KATNAL1: variants seen among roughly 807,000 people sequenced by gnomAD.
The protein encoded by KATNAL1 is katanin p60 ATPase-containing subunit A-like 1.
KATNAL1 carries 32 observed loss-of-function variants against 55.2 expected under a neutral mutation model. The observed-to-expected ratio is 0.58, with a 90% CI of 0.44 to 0.78. The LOEUF is 0.78. KATNAL1 is among the 30% of genes least tolerant of loss of function. The pLI is 0.00. For missense variants in KATNAL1, 466 were observed against 600.9 expected (o/e 0.78, Z 2.35); for synonymous variants, 193 against 193.6 (o/e 1.00, Z 0.02).
rs886460964 is a variant in KATNAL1 at position 30,283,548 on chromosome 13, A to G, written c.162+68T>C. On this transcript the variant is annotated intron_variant, in intron 2 of 10. Coordinates refer to ENST00000380615, the MANE Select transcript of KATNAL1 (RefSeq NM_032116.5). ...CTCAAACTCAAAATTAGATTTTCCAACTCTAATCTCTCAAGTATAATAGGG... is the reference window on the plus strand; with the variant it reads ...CTCAAACTCAAAATTAGATTTTCCAGCTCTAATCTCTCAAGTATAATAGGG... The G allele has an allele frequency of 1.7e-5, 24 of 1,422,850 alleles. No homozygotes were observed. In the African/African-American group the frequency reaches 2.4e-4, roughly 14 times the overall value. The allele number at this position is 1,422,850 out of a possible 1,614,324, so 88.1% of individuals were successfully genotyped here.
chr13:30,301,143 G>A (rs1266139698), intron 1 of KATNAL1, among the ~76,000 whole-genome samples: 12 of 152,246 alleles, frequency 7.9e-5, no homozygotes, highest in South Asian at 2.1e-4. Flanking sequence ...CTAGACAGGC[G>A]GATCTCCTGA....
At chr13:30,303,723 T>TGGG (rs1883006658) in intron 1 of KATNAL1, among the ~76,000 whole-genome samples, 1 of 152,242 alleles carries the variant, frequency 6.6e-6, no homozygotes, top group South Asian at 2.1e-4. Flanking sequence ...TCATATTATC[T>TGGG]AGTGGAACTT....
chr13:30,247,178 T>C (rs1877877540), intron 4 of KATNAL1, among the ~76,000 whole-genome samples: 1 of 152,104 alleles, frequency 6.6e-6, no homozygotes, highest in Non-Finnish European at 1.5e-5. Flanking sequence ...CTTTGTACCC[T>C]AGCATACTGC....
At chr13:30,289,089 G>C (rs1245696138) in intron 1 of KATNAL1, among the ~76,000 whole-genome samples, 3 of 152,142 alleles carry the variant, frequency 2.0e-5, no homozygotes, top group Admixed American at 6.5e-5. Context: ...CATGCCATTA[G>C]TGTTTTCTCA....
At chr13:30,261,681 T>C (rs926759844) in intron 3 of KATNAL1, among the ~76,000 whole-genome samples, 2 of 152,242 alleles carry the variant, frequency 1.3e-5, no homozygotes, top group African/African-American at 2.4e-5. Context: ...CCTAAATATA[T>C]ATGCACCCAA....
At chr13:30,302,181 A>G (rs1390953830) in intron 1 of KATNAL1, among the ~76,000 whole-genome samples, 1 of 152,244 alleles carries the variant, frequency 6.6e-6, no homozygotes, top group Non-Finnish European at 1.5e-5. Flanking sequence ...AGACTCAAGT[A>G]GTCTTTGAAC....
intron 3 of KATNAL1, among the ~76,000 whole-genome samples, chr13:30,270,261 C>T (rs1331753555): frequency 2.9e-5 from 4 of 139,402 alleles, no homozygotes; most frequent in South Asian, 2.2e-4. Flanking sequence ...GGGGGTCAGC[C>T]CCCCCGCCCG....
rs774271743 is a variant in KATNAL1 at position 30,280,235 on chromosome 13, AAAAT to A, written c.163-16_163-13del. ...AATTCCTGCCGAACCTTAAAAAAAAAAAATAGGCTTTATGCTAGAAGCTGTTTAA... is the reference window on the plus strand; with the variant it reads ...AATTCCTGCCGAACCTTAAAAAAAAAAGGCTTTATGCTAGAAGCTGTTTAA... On this transcript the variant is annotated splice_polypyrimidine_tract_variant and intron_variant, in intron 2 of 10. Coordinates refer to ENST00000380615, the MANE Select transcript of KATNAL1 (RefSeq NM_032116.5). 3.2e-6 allele frequency: 5 copies of A among 1,572,096 alleles called. No homozygotes were observed. In the African/African-American group the frequency reaches 6.9e-5, roughly 22 times the overall value.
chr13:30,238,644 A>G (rs550850084), intron 6 of KATNAL1, among the ~76,000 whole-genome samples: 1 of 152,264 alleles, frequency 6.6e-6, no homozygotes, highest in Non-Finnish European at 1.5e-5. Context: ...TTCTTTAATC[A>G]TGTCATTTTT....
chr13:30,212,258 A>G (rs896562257), intron 9 of KATNAL1, among the ~76,000 whole-genome samples: 5 of 152,252 alleles, frequency 3.3e-5, no homozygotes, highest in Non-Finnish European at 7.3e-5. Flanking sequence ...GTGAAAACAG[A>G]TAAGTTACAG....
chr13:30,241,195 A>AT, intron 4 of KATNAL1, 109 bp from the exon 5 acceptor site: 1 of 1,021,200 alleles, frequency 9.8e-7, no homozygotes, highest in Non-Finnish European at 1.4e-6. Flanking sequence ...AATTTTTATT[A>AT]TTTTAAGGTA....
chr13:30,250,602 C>T (rs528433492), intron 4 of KATNAL1, among the ~76,000 whole-genome samples: 1 of 152,288 alleles, frequency 6.6e-6, no homozygotes, highest in South Asian at 2.1e-4. Flanking sequence ...TAGTTTGCAA[C>T]ATCTCTCCAT....
chr13:30,204,823 T>C lies in KATNAL1; in HGVS notation c.*3717A>G, dbSNP rs1237358833. The C allele has an allele frequency of 6.6e-6, 1 of 152,182 alleles. No individual in the cohort carries two copies. The highest frequency in any genetic ancestry group is 2.1e-4 in the South Asian group (1 of 4,828). The allele number at this position is 152,182 out of a possible 1,614,324, so 9.4% of individuals were successfully genotyped here. ...TGAGCTATACAGCTAGACCACCGCA[T>C]GTTTTCCCCTTCCAAAATGGCTAGG... On this transcript the variant is annotated 3_prime_UTR_variant, in exon 11 of 11. Coordinates refer to ENST00000380615, the MANE Select transcript of KATNAL1 (RefSeq NM_032116.5).
chr13:30,277,164 G>A (rs754379007), intron 3 of KATNAL1, among the ~76,000 whole-genome samples: 7 of 152,200 alleles, frequency 4.6e-5, no homozygotes, highest in Admixed American at 6.5e-5. Flanking sequence ...TGAAGAATCT[G>A]CAGGGAGAAA....
intron 3 of KATNAL1, among the ~76,000 whole-genome samples, chr13:30,267,041 T>A (rs1178519659): frequency 6.6e-6 from 1 of 152,100 alleles, no homozygotes; most frequent in East Asian, 1.9e-4. Context: ...ATTTTGAGAG[T>A]GGGGCAAGGG....
At chr13:30,270,200 T>TG (rs1397536390) in intron 3 of KATNAL1, among the ~76,000 whole-genome samples, 1,667 of 84,142 alleles carry the variant, frequency 0.02, 90 homozygotes, top group African/African-American at 0.051. Context: ...GGGAAGGAGG[T>TG]GGGGGGTCAG....
intron 3 of KATNAL1, among the ~76,000 whole-genome samples, chr13:30,266,588 A>G (rs148686722): frequency 2.0e-5 from 3 of 152,346 alleles, no homozygotes; most frequent in African/African-American, 4.8e-5. Context: ...TAATACATTT[A>G]AAGTGGAATT....
chr13:30,219,928 T>C (rs75498755), intron 9 of KATNAL1, among the ~76,000 whole-genome samples: 4,003 of 152,296 alleles, frequency 0.026, 189 homozygotes, highest in African/African-American at 0.092. Flanking sequence ...ATACCTAAGC[T>C]TTCCTTAGCA....
rs577522714 is a variant in KATNAL1 at position 30,233,046 on chromosome 13, C to T, written c.727-1574G>A. On this transcript the variant is annotated intron_variant, in intron 6 of 10. Coordinates refer to ENST00000380615, the MANE Select transcript of KATNAL1 (RefSeq NM_032116.5). ...AAAACACTGGGGAAATGCTACAGGA[C>T]ATCAGTCCAGGCAGATTTTTTTTGT... Among the ~76,000 whole-genome samples the T allele has an allele frequency of 6.6e-5, 10 of 152,266 alleles. 1 individual carries two copies. The South Asian group carries it at 1.7e-3, about 25-fold the overall frequency.
Sources: allele counts gnomAD v4.1 joint callset (sites outside exome capture counted in the v4.1 genomes callset), GRCh38; gene constraint gnomAD v4.1.1; transcripts MANE v1.5; gene names NCBI Gene and HGNC (gene_info 2026-07-23, HGNC 2026-07-21).